FYB1: variants seen among roughly 807,000 people sequenced by gnomAD.
FYB1 encodes FYN binding protein 1.
In FYB1, 41 loss-of-function variants were observed where a neutral mutation model predicts 94.1. The ratio of observed to expected loss-of-function variants is 0.44; its 90% CI spans 0.34 to 0.57. FYB1 has a LOEUF of 0.57. FYB1 is among the 20% of genes least tolerant of loss of function. The probability of loss-of-function intolerance (pLI) is 0.02; values close to 1 mark genes in which losing one functional copy is unlikely to be tolerated. For missense variants in FYB1, 1,050 were observed against 976.8 expected (o/e 1.07, Z -1.00); for synonymous variants, 367 against 353.2 (o/e 1.04, Z -0.44).
chr5:39,270,651 G>A, intron 1 of FYB1: 1 of 1,378,722 alleles, frequency 7.3e-7, no homozygotes, highest in Non-Finnish European at 9.9e-7. Context: ...GTGCAAGTTA[G>A]CTATGCAGAG....
upstream of FYB1, among the ~76,000 whole-genome samples, chr5:39,223,843 A>C (rs753846310): frequency 4.6e-5 from 7 of 152,192 alleles, no homozygotes; most frequent in Non-Finnish European, 8.8e-5. Context: ...TCCCAGTATC[A>C]AATATCCATT....
Position 39,139,233 on chromosome 5 carries a change from C to T in FYB1, c.1359G>A (p.Glu453=). Residue 453 remains glutamate (E), a splice_region_variant and synonymous_variant, in exon 5 of 19, where the codon GAG becomes GAA. Coordinates refer to ENST00000512982, the MANE Select transcript of FYB1 (RefSeq NM_001465.6). The stretch of plus-strand genomic sequence containing the variant: ...ATATGAGAAGAGAAAAAAATCTGAC[C>T]TCATCTAGATTTCCAGCACCTAAAA... ...THSDGAGNLD[E]EQDSEGETYE... is the part of the protein sequence containing the mutation. The T allele has an allele frequency of 6.8e-7, 1 of 1,460,638 alleles. No homozygotes were observed. Among genetic ancestry groups the T allele is most frequent in the East Asian group, 2.5e-5 (1 of 39,522 alleles). The allele number at this position is 1,460,638 out of a possible 1,614,324, so 90.5% of individuals were successfully genotyped here.
intron 4 of FYB1, among the ~76,000 whole-genome samples, chr5:39,140,250 T>C (rs1742051577): frequency 6.6e-6 from 1 of 152,170 alleles, no homozygotes; most frequent in African/African-American, 2.4e-5. Flanking sequence ...ATGACATTAA[T>C]GTCTGAAATA....
chr5:39,222,811 A>G (rs1750325447), upstream of FYB1, among the ~76,000 whole-genome samples: 3 of 152,172 alleles, frequency 2.0e-5, no homozygotes, highest in South Asian at 6.2e-4. Context: ...CTTTGCTCAC[A>G]AAGGAAAATT....
At chr5:39,215,861 C>A (rs1052932344) in intron 1 of FYB1, among the ~76,000 whole-genome samples, 1 of 152,038 alleles carries the variant, frequency 6.6e-6, no homozygotes, top group Non-Finnish European at 1.5e-5. Flanking sequence ...GAAAAAAGGT[C>A]TTTGCAGGTG....
At chr5:39,124,756 C>T (rs1337706982) in intron 12 of FYB1, among the ~76,000 whole-genome samples, 1 of 151,630 alleles carries the variant, frequency 6.6e-6, no homozygotes, top group Non-Finnish European at 1.5e-5. Flanking sequence ...GCATATATAC[C>T]CCAAAACAGG....
intron 6 of FYB1, 70 bp from the exon 7 acceptor site, chr5:39,137,790 A>G (rs1184557337): frequency 2.6e-6 from 4 of 1,537,978 alleles, no homozygotes; most frequent in Non-Finnish European, 3.5e-6. Context: ...CCTACCTAGA[A>G]GTTTCTACTC....
At chr5:39,189,269 A>C (rs1747147767) in intron 2 of FYB1, among the ~76,000 whole-genome samples, 1 of 129,546 alleles carries the variant, frequency 7.7e-6, no homozygotes, top group South Asian at 2.4e-4. Context: ...TCTGTTTATT[A>C]GGCATTGAAA....
At chr5:39,232,735 A>T (rs1054765913) in intron 1 of FYB1, among the ~76,000 whole-genome samples, 1 of 113,318 alleles carries the variant, frequency 8.8e-6, no homozygotes, top group African/African-American at 3.4e-5. Context: ...AACCCACAAC[A>T]GTCCCCAGAG....
intron 1 of FYB1, among the ~76,000 whole-genome samples, chr5:39,218,821 C>G (rs1750077544): frequency 6.6e-6 from 1 of 152,222 alleles, no homozygotes; most frequent in Admixed American, 6.5e-5. Context: ...CAGCCAAAGG[C>G]TCCGAGGAAA....
chr5:39,140,670 G>C (rs901057137), intron 4 of FYB1, among the ~76,000 whole-genome samples: 1 of 152,202 alleles, frequency 6.6e-6, no homozygotes, highest in South Asian at 2.1e-4. Flanking sequence ...CAGTGAGTTT[G>C]AGGCAAGTGA....
upstream of FYB1, among the ~76,000 whole-genome samples, chr5:39,221,632 G>A (rs925804930): frequency 6.6e-6 from 1 of 152,186 alleles, no homozygotes; most frequent in Non-Finnish European, 1.5e-5. Flanking sequence ...CATGAAGGAA[G>A]CCTAACTGGA....
At chr5:39,266,691 C>T (rs890175279) in intron 1 of FYB1, among the ~76,000 whole-genome samples, 4 of 152,122 alleles carry the variant, frequency 2.6e-5, no homozygotes, top group African/African-American at 9.7e-5. Flanking sequence ...AGTCATTAAG[C>T]CCCGCTTTCT....
At chr5:39,165,277 G>A (rs1371969512) in intron 2 of FYB1, among the ~76,000 whole-genome samples, 1 of 152,096 alleles carries the variant, frequency 6.6e-6, no homozygotes, top group Non-Finnish European at 1.5e-5. Context: ...GCATGGCACT[G>A]GTATAAAAAT....
At chr5:39,179,644 C>A (rs923807583) in intron 2 of FYB1, among the ~76,000 whole-genome samples, 2 of 150,192 alleles carry the variant, frequency 1.3e-5, no homozygotes, top group Admixed American at 1.3e-4. Flanking sequence ...CTCCTGAGTT[C>A]AAGCGATTCT....
intron 1 of FYB1, among the ~76,000 whole-genome samples, chr5:39,247,351 G>A (rs1433084695): frequency 3.3e-5 from 5 of 151,666 alleles, no homozygotes; most frequent in Non-Finnish European, 7.4e-5. Context: ...AACATACGGG[G>A]TATATATGGA....
chr5:39,220,640 A>G (rs1750203344), upstream of FYB1, among the ~76,000 whole-genome samples: 1 of 152,106 alleles, frequency 6.6e-6, no homozygotes, highest in Admixed American at 6.5e-5. Flanking sequence ...AACATCAAAC[A>G]CTTACTGTGT....
At chr5:39,254,926 G>T (rs1282924042) in intron 1 of FYB1, among the ~76,000 whole-genome samples, 1 of 152,006 alleles carries the variant, frequency 6.6e-6, no homozygotes, top group African/African-American at 2.4e-5. Context: ...GGAAAGTGAA[G>T]GAGAAGCAGC....
intron 16 of FYB1, among the ~76,000 whole-genome samples, chr5:39,112,154 CAT>C (rs1207888802): frequency 6.6e-6 from 1 of 151,950 alleles, no homozygotes; most frequent in Non-Finnish European, 1.5e-5. Context: ...TCAGGGTTCT[CAT>C]AACTGAAATA....
Sources: allele counts gnomAD v4.1 joint callset (sites outside exome capture counted in the v4.1 genomes callset), GRCh38; gene constraint gnomAD v4.1.1; transcripts MANE v1.5; gene names NCBI Gene and HGNC (gene_info 2026-07-23, HGNC 2026-07-21).